The following PGM2L1 variants were observed in gnomAD, a reference collection of about 807,000 sequenced individuals.
The protein encoded by PGM2L1 is phosphoglucomutase 2 like 1.
In PGM2L1, 35 loss-of-function variants were observed where a neutral mutation model predicts 73.4. The observed-to-expected ratio is 0.48, with a 90% CI of 0.36 to 0.63. PGM2L1 has a LOEUF of 0.63. Among genes scored for constraint, PGM2L1 ranks in the 30% least tolerant of loss-of-function variants. PGM2L1 has a pLI of 0.00. For missense variants in PGM2L1, 570 were observed against 742.0 expected (o/e 0.77, Z 2.69); for synonymous variants, 225 against 253.8 (o/e 0.89, Z 1.08).
intron 1 of PGM2L1, among the ~76,000 whole-genome samples, chr11:74,375,316 C>T (rs531724631): frequency 3.3e-5 from 5 of 152,284 alleles, no homozygotes; most frequent in South Asian, 2.1e-4. Context: ...TGTACTTTAA[C>T]TTATTTTCAT....
rs186197613 is a variant in PGM2L1 at position 74,392,669 on chromosome 11, G to A, written c.111+5382C>T. On this transcript the variant is annotated intron_variant, in intron 1 of 13. Coordinates refer to ENST00000298198, the MANE Select transcript of PGM2L1 (RefSeq NM_173582.6). ...CCATTCTCCTGCCTCAGCCTCCCGA[G>A]TAGCTGGGACTACAGGTGCCCGCCA... Among the ~76,000 whole-genome samples, 1,389 of 152,176 alleles carry A rather than the reference G, an allele frequency of 9.1e-3. 24 individuals are homozygous for A. Among genetic ancestry groups the A allele is most frequent in the African/African-American group, 0.032 (1,326 of 41,512 alleles).
In PGM2L1 at chr11:74,398,242, G is replaced by C; in HGVS notation, c.-81C>G. 6.7e-7 allele frequency: 1 copy of C among 1,501,470 alleles called. No individual in the cohort carries two copies. Among genetic ancestry groups the C allele is most frequent in the Non-Finnish European group, 8.9e-7 (1 of 1,124,874 alleles). The allele number at this position is 1,501,470 out of a possible 1,614,324, so 93.0% of individuals were successfully genotyped here. A position where few individuals can be genotyped will look rare whatever the true frequency, so the allele number is the denominator to read the frequency against. On this transcript the variant is annotated 5_prime_UTR_variant, in exon 1 of 14. Coordinates refer to ENST00000298198, the MANE Select transcript of PGM2L1 (RefSeq NM_173582.6). ...GGGGTGGCTTGGGGTTCGCTCACCAGGGTCCAGGCGTCCCCACCTCACTGA... is the reference window on the plus strand; with the variant it reads ...GGGGTGGCTTGGGGTTCGCTCACCACGGTCCAGGCGTCCCCACCTCACTGA...
At chr11:74,394,039 C>G (rs2134958777) in intron 1 of PGM2L1, among the ~76,000 whole-genome samples, 1 of 151,822 alleles carries the variant, frequency 6.6e-6, no homozygotes, top group South Asian at 2.1e-4. Context: ...GGAGAGAGCA[C>G]TGGTAGTAGA....
intron 6 of PGM2L1, among the ~76,000 whole-genome samples, chr11:74,348,166 A>G (rs1281032155): frequency 6.6e-6 from 1 of 152,104 alleles, no homozygotes; most frequent in African/African-American, 2.4e-5. Context: ...GTCCCCATCA[A>G]TTCTCACTTG....
chr11:74,386,871 G>A (rs1863025475), intron 1 of PGM2L1, among the ~76,000 whole-genome samples: 1 of 152,190 alleles, frequency 6.6e-6, no homozygotes, highest in African/African-American at 2.4e-5. Context: ...ATATGCCTTG[G>A]TTACTTTGAG....
At chr11:74,387,600 G>T (rs642302) in intron 1 of PGM2L1, among the ~76,000 whole-genome samples, 144,919 of 152,210 alleles carry the variant, frequency 0.95, 69,438 homozygotes, top group African/African-American at 0.98. Context: ...TCCATTTTAT[G>T]ATTCTACTGT....
At chr11:74,365,453 T>C (rs1862640287) in intron 5 of PGM2L1, among the ~76,000 whole-genome samples, 2 of 152,144 alleles carry the variant, frequency 1.3e-5, no homozygotes, top group East Asian at 3.8e-4. Context: ...AGAAACTTTT[T>C]GCAACCTACT....
Position 74,345,721 on chromosome 11 carries a change from A to G in PGM2L1, c.1038-72T>C. 2.3e-6 allele frequency: 3 copies of G among 1,321,026 alleles called. No individual in the cohort carries two copies. The South Asian group carries it at 3.9e-5, about 17-fold the overall frequency. 81.8% of individuals were successfully genotyped at this position (1,321,026 alleles called of 1,614,324 possible). A position where few individuals can be genotyped will look rare whatever the true frequency, so the allele number is the denominator to read the frequency against. ...AAACTTCTTGACTCCAAGGCCTAAAAATTACCATCCTTCAGTTAGGAAAAA... is the reference window on the plus strand; with the variant it reads ...AAACTTCTTGACTCCAAGGCCTAAAGATTACCATCCTTCAGTTAGGAAAAA... On this transcript the variant is annotated intron_variant, in intron 8 of 13. Transcript: ENST00000298198.
rs552723022 is a variant in PGM2L1, at chr11:74,343,155, C to T, written c.1313-141G>A. 17 of 1,316,466 alleles carry T rather than the reference C, an allele frequency of 1.3e-5. No individual in the cohort carries two copies. The South Asian group carries it at 1.6e-4, about 13-fold the overall frequency. The allele number at this position is 1,316,466 out of a possible 1,614,324, so 81.5% of individuals were successfully genotyped here. On this transcript the variant is annotated intron_variant, in intron 10 of 13. Coordinates refer to ENST00000298198, the MANE Select transcript of PGM2L1 (RefSeq NM_173582.6). The stretch of plus-strand genomic sequence containing the variant: ...ATCAATACTGAGTGTATTTAGGGGA[C>T]ACTTTCGTTCTTTTTTTTTTCTGAT...
chr11:74,344,129 G>A (rs1324016850), intron 9 of PGM2L1, among the ~76,000 whole-genome samples: 1 of 151,852 alleles, frequency 6.6e-6, no homozygotes, highest in African/African-American at 2.4e-5. Context: ...AGCCTTGAAA[G>A]ATAAGTCAAT....
chr11:74,336,771 GA>G lies in PGM2L1; in HGVS notation c.1767-18del, dbSNP rs1389059441. The G allele has an allele frequency of 6.5e-7, 1 of 1,538,398 alleles. No individual in the cohort carries two copies. The highest frequency in any genetic ancestry group is 8.9e-7 in the Non-Finnish European group (1 of 1,120,636). The stretch of plus-strand genomic sequence containing the variant: ...GCAGTGTCACTGAGGAAAAGATGAA[GA>G]GTTTTGGAATTATTTATTTTCATAG... On this transcript the variant is annotated intron_variant, in intron 13 of 13. Coordinates refer to ENST00000298198, the MANE Select transcript of PGM2L1 (RefSeq NM_173582.6).
intron 5 of PGM2L1, among the ~76,000 whole-genome samples, chr11:74,357,097 C>T (rs902804492): frequency 2.0e-5 from 3 of 152,166 alleles, no homozygotes; most frequent in Non-Finnish European, 4.4e-5. Flanking sequence ...AATCCACCCG[C>T]CTTGGTCTCC....
intron 2 of PGM2L1, among the ~76,000 whole-genome samples, chr11:74,373,978 C>G (rs963602352): frequency 2.2e-5 from 3 of 136,652 alleles, no homozygotes; most frequent in Non-Finnish European, 4.6e-5. Context: ...TTTTTACTTA[C>G]ATAACAGTAA....
At chr11:74,387,559 C>A (rs1863035267) in intron 1 of PGM2L1, among the ~76,000 whole-genome samples, 1 of 152,174 alleles carries the variant, frequency 6.6e-6, no homozygotes, top group African/African-American at 2.4e-5. Context: ...ATGCCTCCTG[C>A]TCAGTTTCAT....
chr11:74,389,024 G>C (rs1863053267), intron 1 of PGM2L1, among the ~76,000 whole-genome samples: 1 of 152,190 alleles, frequency 6.6e-6, no homozygotes, highest in Non-Finnish European at 1.5e-5. Context: ...GTTTCTCCAT[G>C]AGACAAGCCA....
rs946210512 is a variant in PGM2L1 at position 74,332,762 on chromosome 11, G to T, written c.*3890C>A. On this transcript the variant is annotated 3_prime_UTR_variant, in exon 14 of 14. Coordinates refer to ENST00000298198, the MANE Select transcript of PGM2L1 (RefSeq NM_173582.6). ...AAGCAACTTGCTTAAGAAATGGGAG[G>T]TCTATTTCCTATATAAAGACATTCC... 1 of 152,330 alleles carries T rather than the reference G, an allele frequency of 6.6e-6. No homozygotes were observed. The highest frequency in any genetic ancestry group is 6.5e-5 in the Admixed American group (1 of 15,274). The allele number at this position is 152,330 out of a possible 1,614,324, so 9.4% of individuals were successfully genotyped here. A position where few individuals can be genotyped will look rare whatever the true frequency, so the allele number is the denominator to read the frequency against.
At chr11:74,378,765 T>C (rs1352176350) in intron 1 of PGM2L1, among the ~76,000 whole-genome samples, 2 of 152,202 alleles carry the variant, frequency 1.3e-5, no homozygotes, top group Non-Finnish European at 2.9e-5. Flanking sequence ...ATGAAAGAAT[T>C]GATTTTTCCA....
At chr11:74,380,777 A>G (rs558781169) in intron 1 of PGM2L1, among the ~76,000 whole-genome samples, 51 of 152,292 alleles carry the variant, frequency 3.3e-4, no homozygotes, top group African/African-American at 1.2e-3. Context: ...AGTAAAAAAT[A>G]TTTCTCATAT....
At chr11:74,371,910 A>G in intron 2 of PGM2L1, 93 bp from the exon 3 acceptor site, 1 of 1,093,706 alleles carries the variant, frequency 9.1e-7, no homozygotes, top group Non-Finnish European at 1.4e-6. Context: ...TGTGCAGCTG[A>G]CTGGCTGCTA....
Sources: gnomAD v4.1 joint callset for allele counts (sites outside exome capture counted in the v4.1 genomes callset) on GRCh38, gnomAD v4.1.1 for gene constraint, MANE v1.5 for transcripts, NCBI Gene and HGNC (gene_info 2026-07-23, HGNC 2026-07-21) for gene names.